Variants in KLF8 observed in about 807,000 individuals in gnomAD.
The protein encoded by KLF8 is Krueppel-like factor 8.
KLF8 carries 10 observed loss-of-function variants against 18.2 expected under a neutral mutation model. The ratio of observed to expected loss-of-function variants is 0.55; its 90% CI spans 0.34 to 0.93. The LOEUF is 0.93. Among genes scored for constraint, KLF8 ranks in the 40% least tolerant of loss-of-function variants. The pLI is 0.02. For missense variants in KLF8, 264 were observed against 277.9 expected (o/e 0.95, Z 0.36); for synonymous variants, 109 against 97.3 (o/e 1.12, Z -0.71).
chrX:56,076,158 A>C, the KLF8 span, among the ~76,000 whole-genome samples: 1 of 109,648 alleles, frequency 9.1e-6, no homozygotes, highest in South Asian at 4.0e-4. Context: ...TTTTTATTAT[A>C]CTTGAAGTTT....
At chrX:56,048,810 C>A in the KLF8 span, among the ~76,000 whole-genome samples, 5 of 111,642 alleles carry the variant, frequency 4.5e-5, no homozygotes, top group Non-Finnish European at 5.6e-5. Flanking sequence ...TGAAGAAAGT[C>A]ATTGGTAGCT....
At chrX:56,179,752 G>A in the KLF8 span, among the ~76,000 whole-genome samples, 2 of 111,799 alleles carry the variant, frequency 1.8e-5, no homozygotes, top group Non-Finnish European at 3.8e-5. Flanking sequence ...AGATAATCAT[G>A]TGGTTTTTGT....
At chrX:55,939,151 A>G in the KLF8 span, among the ~76,000 whole-genome samples, 2 of 112,184 alleles carry the variant, frequency 1.8e-5, no homozygotes, top group South Asian at 7.5e-4. Flanking sequence ...CAAATGTAAA[A>G]GAACAGAAAT....
At chrX:56,138,234 C>T in the KLF8 span, among the ~76,000 whole-genome samples, 6 of 110,418 alleles carry the variant, frequency 5.4e-5, no homozygotes, top group Non-Finnish European at 1.1e-4. Flanking sequence ...GAAATCACAC[C>T]AGATGTTTAA....
At chrX:56,050,961 G>A in the KLF8 span, among the ~76,000 whole-genome samples, 1 of 109,484 alleles carries the variant, frequency 9.1e-6, no homozygotes, top group Non-Finnish European at 1.9e-5. Context: ...CCTGTATTGG[G>A]TGCATATATA....
the KLF8 span, among the ~76,000 whole-genome samples, chrX:55,955,452 T>C: frequency 9.6e-6 from 1 of 104,599 alleles, no homozygotes; most frequent in African/African-American, 4.1e-5. Flanking sequence ...AACAGGGTTT[T>C]GAGCAGAGGA....
chrX:55,938,687 A>T, the KLF8 span, among the ~76,000 whole-genome samples: 2 of 110,946 alleles, frequency 1.8e-5, no homozygotes, highest in African/African-American at 3.3e-5. Context: ...AAGATCTACC[A>T]AGCAAATGGA....
chrX:56,013,052 C>A, the KLF8 span, among the ~76,000 whole-genome samples: 3 of 112,011 alleles, frequency 2.7e-5, no homozygotes, highest in Admixed American at 9.4e-5. Context: ...AATAAGACCA[C>A]CCATCTACAA....
chrX:56,010,240 C>T, the KLF8 span, among the ~76,000 whole-genome samples: 1 of 111,681 alleles, frequency 9.0e-6, no homozygotes, highest in Non-Finnish European at 1.9e-5. Flanking sequence ...CAAATGGAAG[C>T]CCATCAGATT....
the KLF8 span, among the ~76,000 whole-genome samples, chrX:56,122,444 G>T: frequency 9.0e-6 from 1 of 111,378 alleles, no homozygotes; most frequent in Non-Finnish European, 1.9e-5. Flanking sequence ...ATGATACTTG[G>T]TATGCATTCA....
At chrX:56,019,707 A>G in the KLF8 span, among the ~76,000 whole-genome samples, 1 of 112,132 alleles carries the variant, frequency 8.9e-6, no homozygotes, top group Non-Finnish European at 1.9e-5. Context: ...AGTAGACTTT[A>G]ATGGTGTTTG....
the KLF8 span, among the ~76,000 whole-genome samples, chrX:56,022,888 C>T: frequency 2.7e-5 from 3 of 111,018 alleles, no homozygotes; most frequent in Non-Finnish European, 1.9e-5. Context: ...TCCATGGAGC[C>T]ATTTGTCAGA....
the KLF8 span, among the ~76,000 whole-genome samples, chrX:56,045,356 CTT>C: frequency 9.0e-6 from 1 of 111,012 alleles, no homozygotes; most frequent in Non-Finnish European, 1.9e-5. Context: ...GTTCTTTTTG[CTT>C]TGTCTTGCTT....
chrX:56,269,362 C>T lies in KLF8; in HGVS notation c.647-16C>T. ...ATACATCTTCAGCTCACACTGCTCC[C>T]TTTCTTTGCTTTTAGTGAAAGTTGA... On this transcript the variant is annotated splice_polypyrimidine_tract_variant and intron_variant, in intron 3 of 5. Transcript: ENST00000468660. 2.5e-6 allele frequency: 3 copies of T among 1,196,403 alleles called. No individual in the cohort carries two copies. The highest frequency in any genetic ancestry group is 3.4e-6 in the Non-Finnish European group (3 of 888,134).
At chrX:56,188,526 A>C in the KLF8 span, among the ~76,000 whole-genome samples, 1 of 111,934 alleles carries the variant, frequency 8.9e-6, no homozygotes, top group East Asian at 2.8e-4. Flanking sequence ...ACTACTTTCA[A>C]GTTCATATGG....
the KLF8 span, among the ~76,000 whole-genome samples, chrX:55,944,025 T>C: frequency 8.9e-6 from 1 of 112,570 alleles, no homozygotes; most frequent in Non-Finnish European, 1.9e-5. Context: ...ATAGACTCCT[T>C]GAGAGTTTTT....
At chrX:56,015,585 C>G in the KLF8 span, among the ~76,000 whole-genome samples, 1 of 112,101 alleles carries the variant, frequency 8.9e-6, no homozygotes, top group Non-Finnish European at 1.9e-5. Context: ...CTGCCTTGCT[C>G]AATACATAGG....
chrX:56,188,657 G>C, the KLF8 span, among the ~76,000 whole-genome samples: 3 of 111,833 alleles, frequency 2.7e-5, no homozygotes, highest in African/African-American at 9.7e-5. Context: ...GCACGGTACT[G>C]GTACCAAAAC....
the KLF8 span, among the ~76,000 whole-genome samples, chrX:56,103,923 G>A: frequency 3.6e-5 from 4 of 110,713 alleles, no homozygotes; most frequent in Non-Finnish European, 7.6e-5. Context: ...TAGCATGAAG[G>A]GCTGTTGAAT....
Sources: gnomAD v4.1 joint callset for allele counts (sites outside exome capture counted in the v4.1 genomes callset) on GRCh38, gnomAD v4.1.1 for gene constraint, MANE v1.5 for transcripts, NCBI Gene and HGNC (gene_info 2026-07-23, HGNC 2026-07-21) for gene names.